WASF1: variants seen among roughly 807,000 people sequenced by gnomAD.
WASF1 encodes WASP family member 1.
Under a neutral mutation model 50.5 loss-of-function variants are expected in WASF1, and 7 were observed. The ratio of observed to expected loss-of-function variants is 0.14; its 90% CI spans 0.08 to 0.26. The LOEUF (loss-of-function observed/expected upper bound fraction) is 0.26. WASF1 is among the 10% of genes least tolerant of loss of function. The pLI, the probability that WASF1 is intolerant of heterozygous loss-of-function variation, is 1.00. For synonymous variants in WASF1, 205 were observed against 244.0 expected, an observed-to-expected ratio of 0.84 and a Z score of 1.49; for missense variants, 470 against 694.7, an observed-to-expected ratio of 0.68 and a Z score of 3.64.
intron 2 of WASF1, among the ~76,000 whole-genome samples, chr6:110,161,447 C>T (rs931395520): frequency 1.3e-5 from 2 of 151,534 alleles, no homozygotes; most frequent in African/African-American, 4.8e-5. Context: ...CCCGAATAAG[C>T]TTATTATACT....
At chr6:110,116,213 G>T (rs1433476228) in intron 4 of WASF1, among the ~76,000 whole-genome samples, 3 of 152,236 alleles carry the variant, frequency 2.0e-5, no homozygotes, top group Non-Finnish European at 4.4e-5. Context: ...AGGGCAAGCT[G>T]AAGCAGGGCG....
At position 110,158,873 on chromosome 6, in the gene WASF1, A is replaced by G. The variant is rs188060125; in HGVS notation, c.-29+1762T>C. Among the ~76,000 whole-genome samples, 4 of 151,998 alleles carry G rather than the reference A, an allele frequency of 2.6e-5. No homozygotes were observed. The East Asian group carries it at 7.8e-4, about 30-fold the overall frequency. On this transcript the variant is annotated intron_variant, in intron 3 of 10. Transcript: ENST00000392589. ...GAATGAATCCTTCCTTTGCCATGAA[A>G]ACCTTCTTGATAAACCCAGTTCATG...
chr6:110,173,096 C>A (rs567176952), intron 2 of WASF1, among the ~76,000 whole-genome samples: 7 of 152,188 alleles, frequency 4.6e-5, no homozygotes, highest in Non-Finnish European at 1.0e-4. Context: ...ATTAAAACAA[C>A]TAGAAAACAA....
At chr6:110,154,741 T>C (rs1428276339) in intron 3 of WASF1, among the ~76,000 whole-genome samples, 3 of 152,044 alleles carry the variant, frequency 2.0e-5, no homozygotes, top group Non-Finnish European at 4.4e-5. Flanking sequence ...ACACCACAAA[T>C]TTGGAAATAT....
chr6:110,133,315 T>A (rs1562174535), intron 3 of WASF1, among the ~76,000 whole-genome samples: 1 of 151,834 alleles, frequency 6.6e-6, no homozygotes. Flanking sequence ...CAAGTGCAAG[T>A]ATCTTTTTTG....
intron 5 of WASF1, among the ~76,000 whole-genome samples, chr6:110,111,384 AAAG>A (rs970799205): frequency 6.6e-6 from 1 of 152,166 alleles, no homozygotes; most frequent in African/African-American, 2.4e-5. Context: ...AAGACAACCT[AAAG>A]AAGGGGAGAA....
chr6:110,173,259 A>T (rs1256304770), intron 2 of WASF1, among the ~76,000 whole-genome samples: 2 of 152,248 alleles, frequency 1.3e-5, no homozygotes, highest in East Asian at 1.9e-4. Flanking sequence ...TGGCTAGGTT[A>T]GGAATAAAGA....
chr6:110,142,808 G>A (rs1299669247), intron 3 of WASF1, among the ~76,000 whole-genome samples: 2 of 151,816 alleles, frequency 1.3e-5, no homozygotes, highest in African/African-American at 4.8e-5. Context: ...ATCCATCAGT[G>A]CCTAACTTGC....
At chr6:110,101,047 T>A (rs1773060385) in intron 10 of WASF1, among the ~76,000 whole-genome samples, 1 of 152,178 alleles carries the variant, frequency 6.6e-6, no homozygotes, top group African/African-American at 2.4e-5. Context: ...TTATCCATTG[T>A]ATTTGAGGGA....
chr6:110,160,906 T>C (rs1011742464), intron 2 of WASF1, among the ~76,000 whole-genome samples, 174 bp from the exon 3 acceptor site: 1 of 151,594 alleles, frequency 6.6e-6, no homozygotes, highest in Admixed American at 6.6e-5. Flanking sequence ...AGGATCAATA[T>C]AGTAAAATCC....
At chr6:110,144,724 C>T (rs1054076872) in intron 3 of WASF1, among the ~76,000 whole-genome samples, 2 of 152,180 alleles carry the variant, frequency 1.3e-5, no homozygotes, top group African/African-American at 4.8e-5. Context: ...ATAGGGAATC[C>T]TTTCCCCATT....
chr6:110,164,896 T>C (rs1168940646), intron 2 of WASF1, among the ~76,000 whole-genome samples: 2 of 151,526 alleles, frequency 1.3e-5, no homozygotes, highest in African/African-American at 2.4e-5. Flanking sequence ...TGAAAATACA[T>C]GGGAGGAACC....
intron 7 of WASF1, 33 bp from the exon 8 acceptor site, chr6:110,105,612 C>T: frequency 6.3e-7 from 1 of 1,596,122 alleles, no homozygotes. Flanking sequence ...AAGTCAAATG[C>T]TTAAGCGCTA....
intron 3 of WASF1, among the ~76,000 whole-genome samples, chr6:110,137,163 C>T (rs996240371): frequency 1.3e-5 from 2 of 152,214 alleles, no homozygotes; most frequent in African/African-American, 4.8e-5. Context: ...TGCAGCTATG[C>T]ATATGCAACT....
chr6:110,128,723 C>A (rs1007157837), intron 3 of WASF1, among the ~76,000 whole-genome samples: 1 of 152,128 alleles, frequency 6.6e-6, no homozygotes, highest in African/African-American at 2.4e-5. Flanking sequence ...GACTCCCCAA[C>A]CCCCCAGCTG....
At chr6:110,124,244 CT>C (rs1297654431) in intron 4 of WASF1, among the ~76,000 whole-genome samples, 6 of 37,986 alleles carry the variant, frequency 1.6e-4, no homozygotes, top group South Asian at 1.3e-3. Context: ...TCCTCTCTCT[CT>C]CTCTCTCTCT....
At chr6:110,124,988 G>A (rs1774357293) in intron 4 of WASF1, among the ~76,000 whole-genome samples, 1 of 152,158 alleles carries the variant, frequency 6.6e-6, no homozygotes, top group South Asian at 2.1e-4. Context: ...GTGGATCCCT[G>A]CAGTTTACTT....
At chr6:110,117,624 C>A (rs538246021) in intron 4 of WASF1, among the ~76,000 whole-genome samples, 1 of 152,174 alleles carries the variant, frequency 6.6e-6, no homozygotes, top group Non-Finnish European at 1.5e-5. Flanking sequence ...CCTAACCTAG[C>A]AAGGAAGGCC....
intron 8 of WASF1, 61 bp from the exon 9 acceptor site, chr6:110,103,618 C>T: frequency 1.4e-6 from 2 of 1,394,784 alleles, no homozygotes; most frequent in Admixed American, 2.4e-5. Flanking sequence ...AAGGGTTCTA[C>T]ATGAGATATT....
Sources: allele counts gnomAD v4.1 joint callset (sites outside exome capture counted in the v4.1 genomes callset), GRCh38; gene constraint gnomAD v4.1.1; transcripts MANE v1.5; gene names NCBI Gene and HGNC (gene_info 2026-07-23, HGNC 2026-07-21).